The following RSBN1L variants were observed in gnomAD, a reference collection of about 807,000 sequenced individuals.
RSBN1L encodes round spermatid basic protein 1 like.
RSBN1L carries 30 observed loss-of-function variants against 67.7 expected under a neutral mutation model. The ratio of observed to expected loss-of-function variants is 0.44; its 90% CI spans 0.33 to 0.60. RSBN1L has a LOEUF of 0.60. Ranked by LOEUF, RSBN1L falls within the 20% of genes least tolerant of loss-of-function variation. The pLI, the probability that RSBN1L is intolerant of heterozygous loss-of-function variation, is 0.02. For missense variants in RSBN1L, 992 were observed against 1,031.7 expected, an observed-to-expected ratio of 0.96 and a Z score of 0.53; for synonymous variants, 433 against 387.0, an observed-to-expected ratio of 1.12 and a Z score of -1.39.
Position 77,773,149 on chromosome 7 carries a change from C to A in RSBN1L, c.1628C>A (p.Thr543Asn). Residue 543 changes from threonine (T) to asparagine (N), a missense_variant and splice_region_variant, in exon 6 of 8, where the codon ACT becomes AAT. Thr to Asn is a moderately conservative substitution (Grantham distance 65). Transcript: ENST00000334955. ...AATTTTCTTTTTTTAAAAAACAGAACTACCAATGAAATAAAAAATCTTCAG... is the reference window on the plus strand; with the variant it reads ...AATTTTCTTTTTTTAAAAAACAGAAATACCAATGAAATAAAAAATCTTCAG... ...MPKSPFKRKR[T>N]TNEIKNLQYL... 1.3e-6 allele frequency: 2 copies of A among 1,560,106 alleles called. No homozygotes were observed. The highest frequency in any genetic ancestry group is 1.7e-6 in the Non-Finnish European group (2 of 1,153,150).
intron 1 of RSBN1L, among the ~76,000 whole-genome samples, chr7:77,705,217 A>G (rs1015800966): frequency 3.3e-5 from 5 of 152,132 alleles, no homozygotes; most frequent in African/African-American, 7.2e-5. Flanking sequence ...TATGACATTG[A>G]CTTTTTGAAG....
At chr7:77,724,898 A>C (rs1349273127) in intron 1 of RSBN1L, among the ~76,000 whole-genome samples, 2 of 144,696 alleles carry the variant, frequency 1.4e-5, no homozygotes, top group African/African-American at 2.6e-5. Context: ...GCCGGAGTGC[A>C]GTGGTGCAAT....
chr7:77,744,426 A>G (rs1308345389), intron 2 of RSBN1L, among the ~76,000 whole-genome samples: 1 of 152,008 alleles, frequency 6.6e-6, no homozygotes, highest in Non-Finnish European at 1.5e-5. Flanking sequence ...CCTAGGTGGC[A>G]AGTCTGAATT....
At chr7:77,774,900 T>G (rs1276747665) in intron 6 of RSBN1L, among the ~76,000 whole-genome samples, 1 of 152,328 alleles carries the variant, frequency 6.6e-6, no homozygotes, top group Non-Finnish European at 1.5e-5. Context: ...CTCACTCTGT[T>G]GCCCAGGCTA....
intron 1 of RSBN1L, among the ~76,000 whole-genome samples, chr7:77,700,437 C>T (rs1214117273): frequency 6.6e-6 from 1 of 152,188 alleles, no homozygotes; most frequent in Non-Finnish European, 1.5e-5. Context: ...AAAACCAGAG[C>T]ATTTCACTGA....
intron 2 of RSBN1L, among the ~76,000 whole-genome samples, chr7:77,744,516 A>T (rs781319151): frequency 5.3e-5 from 8 of 151,982 alleles, no homozygotes; most frequent in Non-Finnish European, 1.2e-4. Flanking sequence ...CACTCTCGTC[A>T]CCCAGTTTGG....
At chr7:77,762,365 G>A (rs970128168) in intron 3 of RSBN1L, among the ~76,000 whole-genome samples, 2 of 152,090 alleles carry the variant, frequency 1.3e-5, no homozygotes, top group Non-Finnish European at 2.9e-5. Flanking sequence ...ACTAGACAGA[G>A]AATGGGGGAA....
intron 1 of RSBN1L, among the ~76,000 whole-genome samples, chr7:77,704,020 A>T (rs1222843455): frequency 6.6e-6 from 1 of 152,240 alleles, no homozygotes; most frequent in East Asian, 1.9e-4. Flanking sequence ...GGTGATTGTT[A>T]GAATTATGTG....
At chr7:77,742,355 G>T (rs1340168653) in intron 2 of RSBN1L, among the ~76,000 whole-genome samples, 1 of 152,118 alleles carries the variant, frequency 6.6e-6, no homozygotes, top group Non-Finnish European at 1.5e-5. Flanking sequence ...TCCCAATGTT[G>T]TCACATGTGA....
chr7:77,769,022 A>G (rs969934688), intron 5 of RSBN1L, among the ~76,000 whole-genome samples: 1 of 152,258 alleles, frequency 6.6e-6, no homozygotes, highest in Non-Finnish European at 1.5e-5. Flanking sequence ...GTAATGATGG[A>G]TGGAAAAAAT....
At chr7:77,725,244 C>CTTTTTTTTTTTGTTTT (rs1791183213) in intron 1 of RSBN1L, among the ~76,000 whole-genome samples, 1 of 73,660 alleles carries the variant, frequency 1.4e-5, no homozygotes. Context: ...AAGCCCCCCA[C>CTTTTTTTTTTTGTTTT]TTTTTTTTTT....
rs568605556 is a variant in RSBN1L at position 77,712,105 on chromosome 7, TATA to T, written c.586+15057_586+15059del. On this transcript the variant is annotated intron_variant, in intron 1 of 7. Transcript: ENST00000334955. ...AAATTGCCTAATTAAATTTTCTAAT[TATA>T]ATAATATATGTTCATTGTAAAAATA... 3.9e-3 allele frequency among the ~76,000 whole-genome samples: 601 copies of T among 152,226 alleles called. 2 individuals are homozygous for T. The highest frequency in any genetic ancestry group is 0.013 in the African/African-American group (551 of 41,542).
At chr7:77,709,016 A>C (rs951684232) in intron 1 of RSBN1L, among the ~76,000 whole-genome samples, 2 of 152,182 alleles carry the variant, frequency 1.3e-5, no homozygotes, top group Non-Finnish European at 2.9e-5. Flanking sequence ...AAGAATTGAG[A>C]GTTGGCCCAC....
intron 3 of RSBN1L, among the ~76,000 whole-genome samples, chr7:77,751,035 C>T (rs192759902): frequency 1.1e-3 from 165 of 152,218 alleles, no homozygotes; most frequent in Non-Finnish European, 1.9e-3. Flanking sequence ...TTATAGTTTC[C>T]ACTTTAAATG....
intron 5 of RSBN1L, among the ~76,000 whole-genome samples, chr7:77,770,615 AG>A (rs552857804): frequency 6.6e-6 from 1 of 152,032 alleles, no homozygotes; most frequent in South Asian, 2.1e-4. Flanking sequence ...CAGGAGTTTG[AG>A]GCTGCAGTAA....
chr7:77,763,546 A>G (rs1018152842), intron 3 of RSBN1L, among the ~76,000 whole-genome samples: 5 of 152,178 alleles, frequency 3.3e-5, no homozygotes, highest in Non-Finnish European at 5.9e-5. Flanking sequence ...CTGTGCTGCT[A>G]TTAATGCATC....
chr7:77,753,791 G>T (rs2150427330), intron 3 of RSBN1L, among the ~76,000 whole-genome samples: 1 of 152,280 alleles, frequency 6.6e-6, no homozygotes, highest in African/African-American at 2.4e-5. Context: ...AAAAGTATTG[G>T]AAAAATAATC....
chr7:77,752,442 G>A (rs1460962979), intron 3 of RSBN1L, among the ~76,000 whole-genome samples: 2 of 152,120 alleles, frequency 1.3e-5, no homozygotes, highest in African/African-American at 2.4e-5. Context: ...AAGTTGTTGT[G>A]TGCAGATTGG....
chr7:77,758,612 A>G (rs560472911), intron 3 of RSBN1L, among the ~76,000 whole-genome samples: 2 of 152,290 alleles, frequency 1.3e-5, no homozygotes, highest in Admixed American at 1.3e-4. Context: ...GTGCGCATTA[A>G]TAGACTCCAC....
Sources: gnomAD v4.1 joint callset for allele counts (sites outside exome capture counted in the v4.1 genomes callset) on GRCh38, gnomAD v4.1.1 for gene constraint, MANE v1.5 for transcripts, NCBI Gene and HGNC (gene_info 2026-07-23, HGNC 2026-07-21) for gene names.